Variants in ARHGAP24 observed in about 807,000 individuals in gnomAD.
ARHGAP24 encodes Rho GTPase activating protein 24, also known as rho GTPase-activating protein 24.
A neutral mutation model predicts 76.4 loss-of-function variants in ARHGAP24; 50 were observed. That is an observed-to-expected ratio of 0.65 (90% CI 0.52 to 0.83). The LOEUF is 0.83. ARHGAP24 is among the 40% of genes least tolerant of loss of function. The probability of loss-of-function intolerance (pLI) is 0.00; values close to 1 mark genes in which losing one functional copy is unlikely to be tolerated. For missense variants in ARHGAP24, 930 were observed against 914.2 expected (o/e 1.02, Z -0.22); for synonymous variants, 345 against 323.3 (o/e 1.07, Z -0.72).
chr4:85,998,251 T>C (rs1047683148), intron 9 of ARHGAP24, among the ~76,000 whole-genome samples: 2 of 152,202 alleles, frequency 1.3e-5, no homozygotes, highest in Non-Finnish European at 2.9e-5. Flanking sequence ...AATTTGAGGC[T>C]CTACTACTAG....
intron 3 of ARHGAP24, among the ~76,000 whole-genome samples, chr4:85,868,677 G>A (rs930720890): frequency 6.6e-6 from 1 of 152,078 alleles, no homozygotes; most frequent in African/African-American, 2.4e-5. Flanking sequence ...ATGGACTTTA[G>A]TTAATAATAA....
At chr4:85,557,314 C>G (rs1298713441) in intron 1 of ARHGAP24, among the ~76,000 whole-genome samples, 1 of 152,242 alleles carries the variant, frequency 6.6e-6, no homozygotes, top group African/African-American at 2.4e-5. Context: ...CATTGCTGGA[C>G]CTGCAGCCAC....
chr4:85,917,412 C>A (rs1735475754), intron 3 of ARHGAP24, among the ~76,000 whole-genome samples: 1 of 151,714 alleles, frequency 6.6e-6, no homozygotes, highest in African/African-American at 2.4e-5. Flanking sequence ...ATTTATAGTC[C>A]TTTGGGTATA....
At chr4:85,492,159 A>C (rs895722726) in intron 1 of ARHGAP24, among the ~76,000 whole-genome samples, 3 of 148,546 alleles carry the variant, frequency 2.0e-5, no homozygotes, top group Non-Finnish European at 4.4e-5. Flanking sequence ...GAACCTTGTC[A>C]TATCAGTTTC....
chr4:85,655,818 A>AGAGAAAGAGAGAG (rs1237643654), intron 2 of ARHGAP24, among the ~76,000 whole-genome samples: 5 of 35,490 alleles, frequency 1.4e-4, no homozygotes, highest in African/African-American at 4.5e-4. Context: ...GAGAGAGAGA[A>AGAGAAAGAGAGAG]AGAGAGAGAG....
intron 2 of ARHGAP24, among the ~76,000 whole-genome samples, chr4:85,641,531 G>A (rs1041037233): frequency 2.0e-5 from 3 of 152,022 alleles, no homozygotes; most frequent in African/African-American, 4.8e-5. Flanking sequence ...TCTTCTCTCC[G>A]GGTCTTCATA....
rs1553936414 is a variant in ARHGAP24, at chr4:85,867,907, A to ATG, written c.269-55740_269-55739insGT. ...ATAATGTGTGTGTGTACATATATAT[A>ATG]TACATATATGTACACACACACAAAC... On this transcript the variant is annotated intron_variant, in intron 3 of 9. Transcript: ENST00000395184. Among the ~76,000 whole-genome samples, 89 of 144,916 alleles carry ATG rather than the reference A, an allele frequency of 6.1e-4. 1 individual carries two copies. Among genetic ancestry groups the ATG allele is most frequent in the South Asian group, 4.3e-3 (20 of 4,630 alleles).
intron 3 of ARHGAP24, among the ~76,000 whole-genome samples, chr4:85,918,290 CATATT>C (rs1735531548): frequency 6.6e-6 from 1 of 151,718 alleles, no homozygotes; most frequent in Non-Finnish European, 1.5e-5. Flanking sequence ...AATAAAAACT[CATATT>C]AATAAACTTC....
At chr4:85,923,592 G>T in intron 3 of ARHGAP24, 56 bp from the exon 4 acceptor site, 1 of 1,610,674 alleles carries the variant, frequency 6.2e-7, no homozygotes, top group South Asian at 1.1e-5. Context: ...TCTGGAGGCT[G>T]ATCATGAGGA....
intron 2 of ARHGAP24, among the ~76,000 whole-genome samples, chr4:85,659,078 T>G (rs561205025): frequency 2.0e-5 from 3 of 152,250 alleles, no homozygotes; most frequent in Non-Finnish European, 4.4e-5. Context: ...AGACAGTGTC[T>G]GGCTTGTCAC....
rs60845185 is a variant in ARHGAP24, at chr4:85,687,710, G to A, written c.181-34175G>A. Among the ~76,000 whole-genome samples, 1,485 of 152,146 alleles carry A rather than the reference G, an allele frequency of 9.8e-3. 25 individuals are homozygous for A. Among genetic ancestry groups the A allele is most frequent in the African/African-American group, 0.033 (1,382 of 41,498 alleles). On this transcript the variant is annotated intron_variant, in intron 2 of 9. Coordinates refer to ENST00000395184, the MANE Select transcript of ARHGAP24 (RefSeq NM_001025616.3). ...ATGTCTTTGTATTGTGAACAGTGAT[G>A]AACATGCAATTGCATGGTTTTTTTT...
intron 3 of ARHGAP24, among the ~76,000 whole-genome samples, chr4:85,874,968 TATATTTTTATATAATTTA>T (rs1229086920): frequency 1.7e-5 from 2 of 120,278 alleles, no homozygotes; most frequent in African/African-American, 6.7e-5. Context: ...TATATATAAA[TATATTTTTATATAATTTA>T]TATATAAATA....
intron 3 of ARHGAP24, among the ~76,000 whole-genome samples, chr4:85,733,609 A>G (rs1343965603): frequency 6.6e-6 from 1 of 152,116 alleles, no homozygotes; most frequent in Non-Finnish European, 1.5e-5. Flanking sequence ...TAAGCAACAG[A>G]AATGTATTTT....
In ARHGAP24 at chr4:85,693,093, A is replaced by G. The variant is rs770654629; in HGVS notation, c.181-28792A>G. Among the ~76,000 whole-genome samples the G allele has an allele frequency of 9.7e-4, 147 of 152,262 alleles. 1 individual carries two copies. Among genetic ancestry groups the G allele is most frequent in the Non-Finnish European group, 1.9e-3 (127 of 68,018 alleles). On this transcript the variant is annotated intron_variant, in intron 2 of 9. Coordinates refer to ENST00000395184, the MANE Select transcript of ARHGAP24 (RefSeq NM_001025616.3). ...AAATATTTTTGGTGTTGTAGCTTGG[A>G]CTGTGATCCAGTAGATGGCAATTAA... is the stretch of plus-strand genomic sequence containing the variant.
chr4:85,882,248 T>C (rs1733299685), intron 3 of ARHGAP24, among the ~76,000 whole-genome samples: 1 of 152,166 alleles, frequency 6.6e-6, no homozygotes. Context: ...AACATTAAGT[T>C]TATTGATTCT....
chr4:85,938,784 T>G (rs1005269917), intron 4 of ARHGAP24, among the ~76,000 whole-genome samples: 3 of 152,150 alleles, frequency 2.0e-5, no homozygotes, highest in African/African-American at 7.2e-5. Context: ...GGAAATTGCT[T>G]TGGGGGGCAG....
chr4:85,675,058 G>T (rs912330604), intron 2 of ARHGAP24, among the ~76,000 whole-genome samples: 6 of 152,178 alleles, frequency 3.9e-5, no homozygotes, highest in Non-Finnish European at 5.9e-5. Flanking sequence ...AACTGATCTG[G>T]TTTACAATAT....
intron 9 of ARHGAP24, 30 bp from the exon 10 acceptor site, chr4:86,000,449 A>ACCCCC: frequency 7.8e-6 from 3 of 383,218 alleles, no homozygotes; most frequent in Admixed American, 3.8e-5. Context: ...TTGCGTCCCC[A>ACCCCC]CCCCCCACCC....
At chr4:85,545,086 T>C (rs1263495905) in intron 1 of ARHGAP24, among the ~76,000 whole-genome samples, 6 of 148,926 alleles carry the variant, frequency 4.0e-5, no homozygotes, top group South Asian at 4.2e-4. Context: ...TCCAGTGCTC[T>C]ACAGTTTCTT....
Sources: allele counts gnomAD v4.1 joint callset (sites outside exome capture counted in the v4.1 genomes callset), GRCh38; gene constraint gnomAD v4.1.1; transcripts MANE v1.5; gene names NCBI Gene and HGNC (gene_info 2026-07-23, HGNC 2026-07-21).